The following GRID1 variants were observed in gnomAD, a reference collection of about 807,000 sequenced individuals.
The protein encoded by GRID1 is glutamate ionotropic receptor delta type subunit 1, also known as glutamate receptor ionotropic, delta-1.
A neutral mutation model predicts 98.0 loss-of-function variants in GRID1; 28 were observed. That is an observed-to-expected ratio of 0.29 (90% CI 0.21 to 0.39). The LOEUF is 0.39. GRID1 is among the 10% of genes least tolerant of loss of function. The pLI is 1.00. For synonymous variants in GRID1, 553 were observed against 538.5 expected (o/e 1.03, Z -0.37); for missense variants, 1,111 against 1,340.5 (o/e 0.83, Z 2.67).
intron 12 of GRID1, among the ~76,000 whole-genome samples, chr10:85,660,470 C>G (rs902998176): frequency 1.3e-5 from 2 of 152,188 alleles, no homozygotes; most frequent in African/African-American, 4.8e-5. Context: ...CATATCCAGA[C>G]CTGGTGCCAG....
At chr10:85,909,953 T>TA (rs1405536946) in intron 5 of GRID1, among the ~76,000 whole-genome samples, 1 of 152,118 alleles carries the variant, frequency 6.6e-6, no homozygotes, top group Non-Finnish European at 1.5e-5. Context: ...TAATAATAAT[T>TA]AAAAAAACAT....
At chr10:85,886,863 AT>A (rs1193481556) in intron 5 of GRID1, among the ~76,000 whole-genome samples, 3 of 152,242 alleles carry the variant, frequency 2.0e-5, no homozygotes, top group African/African-American at 7.2e-5. Flanking sequence ...GAAAAATATT[AT>A]TAAACATTTA....
intron 2 of GRID1, among the ~76,000 whole-genome samples, chr10:86,246,666 C>G (rs916890363): frequency 1.3e-5 from 2 of 152,128 alleles, no homozygotes; most frequent in Non-Finnish European, 2.9e-5. Context: ...CCCTGTCCCA[C>G]CCCCACGTAC....
At chr10:86,039,687 C>A (rs1289896192) in intron 4 of GRID1, among the ~76,000 whole-genome samples, 1 of 152,138 alleles carries the variant, frequency 6.6e-6, no homozygotes, top group East Asian at 1.9e-4. Context: ...AAACAAGGAT[C>A]AGATCTACAG....
At chr10:86,136,094 T>C (rs1198043293) in intron 4 of GRID1, among the ~76,000 whole-genome samples, 1 of 152,212 alleles carries the variant, frequency 6.6e-6, no homozygotes, top group African/African-American at 2.4e-5. Context: ...TGAACATCGT[T>C]TGTCCTTGTC....
intron 3 of GRID1, among the ~76,000 whole-genome samples, chr10:86,175,882 T>C (rs1845569378): frequency 6.6e-6 from 1 of 152,210 alleles, no homozygotes; most frequent in Non-Finnish European, 1.5e-5. Flanking sequence ...GCTAATTTTG[T>C]ATTTTTGGTA....
intron 4 of GRID1, among the ~76,000 whole-genome samples, chr10:85,963,349 C>T (rs1842294826): frequency 6.6e-6 from 1 of 152,168 alleles, no homozygotes; most frequent in Non-Finnish European, 1.5e-5. Context: ...TATTGACCAT[C>T]ACCTCTCTGC....
At chr10:85,898,925 C>G (rs977380664) in intron 5 of GRID1, among the ~76,000 whole-genome samples, 1 of 152,154 alleles carries the variant, frequency 6.6e-6, no homozygotes, top group African/African-American at 2.4e-5. Flanking sequence ...TGGACTGCAC[C>G]TAATTGTATG....
At chr10:86,017,570 G>T (rs1842995298) in intron 4 of GRID1, among the ~76,000 whole-genome samples, 1 of 152,198 alleles carries the variant, frequency 6.6e-6, no homozygotes, top group Non-Finnish European at 1.5e-5. Flanking sequence ...GCACAACTGG[G>T]TCATGGTTCA....
intron 3 of GRID1, among the ~76,000 whole-genome samples, chr10:86,203,261 G>A (rs1444016844): frequency 6.6e-6 from 1 of 152,152 alleles, no homozygotes; most frequent in Admixed American, 6.5e-5. Flanking sequence ...GTGCTACAGT[G>A]AGTCAGTGGG....
chr10:85,848,895 G>T (rs943567568), intron 8 of GRID1, among the ~76,000 whole-genome samples: 1 of 152,202 alleles, frequency 6.6e-6, no homozygotes, highest in Non-Finnish European at 1.5e-5. Flanking sequence ...TACACTGGAA[G>T]AATGTTAATC....
rs1348164195 is a variant in GRID1, at chr10:85,945,714, T to C, written c.727-29475A>G. ...CCCAGGTTTTTAGGATGATAAAATT[T>C]TCATAGTTTTCATAAGCACTTTCAA... On this transcript the variant is annotated intron_variant, in intron 4 of 15. Coordinates refer to ENST00000327946, the MANE Select transcript of GRID1 (RefSeq NM_017551.3). Among the ~76,000 whole-genome samples the C allele has an allele frequency of 2.0e-5, 3 of 152,224 alleles. No homozygotes were observed. The East Asian group carries it at 5.8e-4, about 29-fold the overall frequency.
intron 3 of GRID1, among the ~76,000 whole-genome samples, chr10:86,165,056 G>GTGT (rs1444805871): frequency 6.6e-6 from 1 of 152,178 alleles, no homozygotes; most frequent in Non-Finnish European, 1.5e-5. Flanking sequence ...CTGCCCTGCT[G>GTGT]TGTGCTCCAG....
At chr10:86,115,836 T>C (rs1844568520) in intron 4 of GRID1, among the ~76,000 whole-genome samples, 1 of 152,226 alleles carries the variant, frequency 6.6e-6, no homozygotes, top group Non-Finnish European at 1.5e-5. Context: ...TTAACAACAT[T>C]TCAGTTAACC....
At position 85,780,585 on chromosome 10, in the gene GRID1, G is replaced by A. The variant is rs188320750; in HGVS notation, c.1234-50971C>T. Among the ~76,000 whole-genome samples, 322 of 152,260 alleles carry A rather than the reference G, an allele frequency of 2.1e-3. 2 individuals are homozygous for A. Among genetic ancestry groups the A allele is most frequent in the African/African-American group, 7.6e-3 (315 of 41,548 alleles). ...TATGGGGCTGCTGCTTACCAGTACTGAGCCGATGTTTTCGAAATGCCTGGC... is the reference window on the plus strand; with the variant it reads ...TATGGGGCTGCTGCTTACCAGTACTAAGCCGATGTTTTCGAAATGCCTGGC... On this transcript the variant is annotated intron_variant, in intron 8 of 15. Transcript: ENST00000327946.
chr10:86,025,506 C>A (rs1187047803), intron 4 of GRID1, among the ~76,000 whole-genome samples: 1 of 152,172 alleles, frequency 6.6e-6, no homozygotes, highest in East Asian at 1.9e-4. Context: ...GGGGTTCCAC[C>A]AATTGGGAGC....
In GRID1 at chr10:86,248,997, C is replaced by A. The variant is rs543739392; in HGVS notation, c.236-42349G>T. On this transcript the variant is annotated intron_variant, in intron 2 of 15. Coordinates refer to ENST00000327946, the MANE Select transcript of GRID1 (RefSeq NM_017551.3). ...CCCTCAGTTTCCCAGGGAGAAGGAGCCAGCCTGTCTGATAGCTGCCTCCCT... is the reference window on the plus strand; with the variant it reads ...CCCTCAGTTTCCCAGGGAGAAGGAGACAGCCTGTCTGATAGCTGCCTCCCT... Among the ~76,000 whole-genome samples, 280 of 152,316 alleles carry A rather than the reference C, an allele frequency of 1.8e-3. 1 individual carries two copies. Among genetic ancestry groups the A allele is most frequent in the Middle Eastern group, 0.01 (3 of 294 alleles).
intron 4 of GRID1, among the ~76,000 whole-genome samples, chr10:86,044,860 CG>C (rs1193700056): frequency 1.3e-5 from 2 of 152,180 alleles, no homozygotes; most frequent in African/African-American, 4.8e-5. Flanking sequence ...TGTAGACTGC[CG>C]AACTGGATGC....
intron 2 of GRID1, among the ~76,000 whole-genome samples, chr10:86,354,725 G>A (rs138644420): frequency 1.9e-4 from 29 of 152,358 alleles, no homozygotes; most frequent in Non-Finnish European, 3.5e-4. Flanking sequence ...AGGTCCCGGG[G>A]AGGCAGGGGC....
Sources: gnomAD v4.1 joint callset for allele counts (sites outside exome capture counted in the v4.1 genomes callset) on GRCh38, gnomAD v4.1.1 for gene constraint, MANE v1.5 for transcripts, NCBI Gene and HGNC (gene_info 2026-07-23, HGNC 2026-07-21) for gene names.